The following PDK1 variants were observed in gnomAD, a reference collection of about 807,000 sequenced individuals.
PDK1 encodes [Pyruvate dehydrogenase (acetyl-transferring)] kinase isozyme 1, mitochondrial.
A neutral mutation model predicts 54.2 loss-of-function variants in PDK1; 39 were observed. The observed-to-expected ratio is 0.72, with a 90% confidence interval of 0.56 to 0.94. The LOEUF (loss-of-function observed/expected upper bound fraction) is 0.94, where lower values mean the gene tolerates loss of function less well. Ranked by LOEUF, PDK1 falls within the 40% of genes least tolerant of loss-of-function variation. The pLI is 0.00. For missense variants in PDK1, 552 were observed against 566.0 expected (o/e 0.98, Z 0.25); for synonymous variants, 221 against 207.1 (o/e 1.07, Z -0.58).
intron 9 of PDK1, among the ~76,000 whole-genome samples, chr2:172,587,071 G>GTA (rs1690270625): frequency 6.6e-6 from 1 of 152,172 alleles, no homozygotes; most frequent in Admixed American, 6.5e-5. Flanking sequence ...CATGATGGGG[G>GTA]TATAGTACAA....
At chr2:172,647,608 TAAAG>T in the PDK1 span, among the ~76,000 whole-genome samples, 8 of 151,870 alleles carry the variant, frequency 5.3e-5, no homozygotes, top group African/African-American at 1.2e-4. Context: ...GAGTAAAAAA[TAAAG>T]GAAGGAAAAG....
At chr2:172,575,849 T>C (rs1200674869) in intron 8 of PDK1, among the ~76,000 whole-genome samples, 1 of 152,086 alleles carries the variant, frequency 6.6e-6, no homozygotes, top group Non-Finnish European at 1.5e-5. Context: ...AATAAATAAA[T>C]ATAAACAATA....
Position 172,598,186 on chromosome 2 carries a change from C to G in PDK1, c.*2217C>G. ...TGAAATGTTTTAGAATCCTTTGAAT[C>G]TAAGTATTTGTTTCCTAAATGAAAC... On this transcript the variant is annotated 3_prime_UTR_variant, in exon 11 of 11. Coordinates refer to ENST00000282077, the MANE Select transcript of PDK1 (RefSeq NM_002610.5). 1 of 152,230 alleles carries G rather than the reference C, an allele frequency of 6.6e-6. No homozygotes were observed. The highest frequency in any genetic ancestry group is 1.9e-4 in the East Asian group (1 of 5,186). 9.4% of individuals were successfully genotyped at this position (152,230 alleles called of 1,614,324 possible). A position where few individuals can be genotyped will look rare whatever the true frequency, so the allele number is the denominator to read the frequency against.
chr2:172,564,143 TCTC>T (rs72296958), intron 3 of PDK1: 45,036 of 477,468 alleles, frequency 0.094, 4,726 homozygotes, highest in East Asian at 0.53. Flanking sequence ...AAGTGCTTTG[TCTC>T]CTCCTATGCA....
intron 3 of PDK1, among the ~76,000 whole-genome samples, chr2:172,562,994 T>G (rs78442349): frequency 0.021 from 3,204 of 152,320 alleles, 105 homozygotes; most frequent in African/African-American, 0.074. Flanking sequence ...TTAAACATGA[T>G]TTTAATCTGA....
At chr2:172,641,705 A>T in the PDK1 span, among the ~76,000 whole-genome samples, 11 of 152,076 alleles carry the variant, frequency 7.2e-5, no homozygotes, top group African/African-American at 2.7e-4. Flanking sequence ...CGGCCTTCTA[A>T]AGTGTTGGGA....
chr2:172,643,965 C>T, the PDK1 span, among the ~76,000 whole-genome samples: 2,620 of 152,328 alleles, frequency 0.017, 75 homozygotes, highest in African/African-American at 0.059. Context: ...GGCTAGCCAC[C>T]CACAGTGACT....
At chr2:172,576,830 A>G (rs2149250577) in intron 8 of PDK1, among the ~76,000 whole-genome samples, 1 of 152,288 alleles carries the variant, frequency 6.6e-6, no homozygotes, top group East Asian at 1.9e-4. Flanking sequence ...CATACTTTGT[A>G]TGATTTCAAG....
rs1690977548 is a variant in PDK1 at position 172,598,006 on chromosome 2, C to T, written c.*2037C>T. 1 of 152,184 alleles carries T rather than the reference C, an allele frequency of 6.6e-6. No homozygotes were observed. The highest frequency in any genetic ancestry group is 6.6e-5 in the Admixed American group (1 of 15,264). 9.4% of individuals were successfully genotyped at this position (152,184 alleles called of 1,614,324 possible). On this transcript the variant is annotated 3_prime_UTR_variant, in exon 11 of 11. Transcript: ENST00000282077. ...GCATCCTTTGCCCAGAGCTGCTTAG[C>T]TAATCTGACCAAATGTTGGGAAAAA...
At chr2:172,628,279 G>A in the PDK1 span, among the ~76,000 whole-genome samples, 1 of 152,182 alleles carries the variant, frequency 6.6e-6, no homozygotes, top group Non-Finnish European at 1.5e-5. Context: ...CTTGCTTGGC[G>A]CCCTGCCAAT....
At chr2:172,661,862 C>T in the PDK1 span, among the ~76,000 whole-genome samples, 4 of 152,178 alleles carry the variant, frequency 2.6e-5, no homozygotes, top group Non-Finnish European at 4.4e-5. Context: ...CTATGCTCAC[C>T]ACCTGTGTGA....
chr2:172,564,697 C>T lies in PDK1; in HGVS notation c.595+10C>T. On this transcript the variant is annotated intron_variant, in intron 4 of 10. Transcript: ENST00000282077. ...TTACTCAATCAGCACTGTAAGTGTCCCTCATGAGTCAAGAGAAGAAGCTAA... is the reference window on the plus strand; with the variant it reads ...TTACTCAATCAGCACTGTAAGTGTCTCTCATGAGTCAAGAGAAGAAGCTAA... The T allele has an allele frequency of 1.2e-6, 2 of 1,601,848 alleles. No homozygotes were observed. Among genetic ancestry groups the T allele is most frequent in the East Asian group, 2.2e-5 (1 of 44,758 alleles).
chr2:172,701,763 T>C, the PDK1 span, among the ~76,000 whole-genome samples: 1 of 152,074 alleles, frequency 6.6e-6, no homozygotes, highest in Non-Finnish European at 1.5e-5. Flanking sequence ...TAGTTCTATG[T>C]TCTTGGTGAA....
At chr2:172,701,148 A>G in the PDK1 span, among the ~76,000 whole-genome samples, 1 of 152,190 alleles carries the variant, frequency 6.6e-6, no homozygotes, top group South Asian at 2.1e-4. Context: ...GACAACAACA[A>G]CAACAAAATC....
At position 172,602,977 on chromosome 2, in the gene PDK1, C is replaced by T. The variant is rs1212260013; in HGVS notation, c.*7008C>T. 1 of 152,220 alleles carries T rather than the reference C, an allele frequency of 6.6e-6. No homozygotes were observed. The highest frequency in any genetic ancestry group is 1.5e-5 in the Non-Finnish European group (1 of 68,034). 9.4% of individuals were successfully genotyped at this position (152,220 alleles called of 1,614,324 possible). The stretch of plus-strand genomic sequence containing the variant: ...TCAGGGTTGGCTTGATAAGGACTCA[C>T]TTAACCAATGGAAAGTAAGGTTAAA... On this transcript the variant is annotated 3_prime_UTR_variant, in exon 11 of 11. Transcript: ENST00000282077.
At chr2:172,559,657 C>T (rs1574460664) in intron 2 of PDK1, among the ~76,000 whole-genome samples, 1 of 152,282 alleles carries the variant, frequency 6.6e-6, no homozygotes, top group East Asian at 1.9e-4. Context: ...AAGTGATTCT[C>T]CTGCCTCAGC....
chr2:172,621,596 G>GTTTATATATCATATATGTTTATATATC, the PDK1 span, among the ~76,000 whole-genome samples: 5 of 139,550 alleles, frequency 3.6e-5, no homozygotes, highest in Admixed American at 3.7e-4. Flanking sequence ...GTTTATATAT[G>GTTTATATATCATATATGTTTATATATC]ATATATGTTT....
intron 6 of PDK1, among the ~76,000 whole-genome samples, chr2:172,567,398 C>T (rs1689015887): frequency 6.6e-6 from 1 of 151,944 alleles, no homozygotes; most frequent in African/African-American, 2.4e-5. Context: ...TTCTTTTTAC[C>T]CTGATTAGTG....
At chr2:172,563,855 T>C (rs1033781556) in intron 3 of PDK1, among the ~76,000 whole-genome samples, 12 of 152,160 alleles carry the variant, frequency 7.9e-5, no homozygotes, top group Non-Finnish European at 7.3e-5. Flanking sequence ...AAGACTTATT[T>C]TCTCTTTTAT....
Sources: gnomAD v4.1 joint callset for allele counts (sites outside exome capture counted in the v4.1 genomes callset) on GRCh38, gnomAD v4.1.1 for gene constraint, MANE v1.5 for transcripts, NCBI Gene and HGNC (gene_info 2026-07-23, HGNC 2026-07-21) for gene names.